Variants in NBEA observed in about 807,000 individuals in gnomAD.
NBEA encodes lysosomal-trafficking regulator 2.
Under a neutral mutation model 343.4 loss-of-function variants are expected in NBEA, and 44 were observed. The ratio of observed to expected loss-of-function variants is 0.13; its 90% CI spans 0.10 to 0.16. NBEA has a LOEUF of 0.16. Ranked by LOEUF, NBEA falls within the 10% of genes least tolerant of loss-of-function variation. The probability of loss-of-function intolerance (pLI) is 1.00; values close to 1 mark genes in which losing one functional copy is unlikely to be tolerated. For missense variants in NBEA, 2,555 were observed against 3,631.3 expected, an observed-to-expected ratio of 0.70 and a Z score of 7.62; for synonymous variants, 1,175 against 1,238.7, an observed-to-expected ratio of 0.95 and a Z score of 1.08.
At chr13:35,258,018 A>G (rs2032814922) in intron 34 of NBEA, among the ~76,000 whole-genome samples, 2 of 152,062 alleles carry the variant, frequency 1.3e-5, no homozygotes. Flanking sequence ...TTTATTTGTA[A>G]TGAACTTTAC....
intron 1 of NBEA, among the ~76,000 whole-genome samples, chr13:34,968,149 G>A (rs2059885194): frequency 6.6e-6 from 1 of 152,130 alleles, no homozygotes; most frequent in African/African-American, 2.4e-5. Flanking sequence ...GTATAAGGAA[G>A]GCACTGAGAG....
At chr13:35,437,443 A>C (rs1188722340) in intron 39 of NBEA, among the ~76,000 whole-genome samples, 1 of 152,146 alleles carries the variant, frequency 6.6e-6, no homozygotes, top group African/African-American at 2.4e-5. Flanking sequence ...CTTTATACTG[A>C]TGGAGTTTTT....
intron 1 of NBEA, among the ~76,000 whole-genome samples, chr13:35,032,156 A>C (rs952984065): frequency 2.0e-5 from 3 of 151,506 alleles, no homozygotes; most frequent in African/African-American, 4.8e-5. Context: ...ATTCCTCTGG[A>C]TATATACCCA....
rs754452157 is a variant in NBEA at position 35,069,892 on chromosome 13, A to G, written c.1240-16A>G. 10 of 1,532,390 alleles carry G rather than the reference A, an allele frequency of 6.5e-6. No homozygotes were observed. Among genetic ancestry groups the G allele is most frequent in the Middle Eastern group, 2.4e-4 (1 of 4,130 alleles). The allele number at this position is 1,532,390 out of a possible 1,614,324, so 94.9% of individuals were successfully genotyped here. Reference sequence around the variant, plus strand: ...TGCTTTTAAAAAGAGTGTTTACCTTAGTTTTATTTTTTCAGAGTACCTTCA... The same window carrying G: ...TGCTTTTAAAAAGAGTGTTTACCTTGGTTTTATTTTTTCAGAGTACCTTCA... On this transcript the variant is annotated splice_polypyrimidine_tract_variant and intron_variant, in intron 8 of 58. Coordinates refer to ENST00000379939, the MANE Select transcript of NBEA (RefSeq NM_001385012.1).
intron 55 of NBEA, among the ~76,000 whole-genome samples, chr13:35,660,292 T>G (rs946275685): frequency 6.6e-6 from 1 of 152,230 alleles, no homozygotes; most frequent in Non-Finnish European, 1.5e-5. Context: ...AGTTTTAATG[T>G]TTATACCACA....
chr13:35,662,342 C>T (rs2085134726), intron 55 of NBEA, among the ~76,000 whole-genome samples: 1 of 152,202 alleles, frequency 6.6e-6, no homozygotes, highest in African/African-American at 2.4e-5. Flanking sequence ...CGGCGGTGGC[C>T]CTCAGAGGGG....
intron 34 of NBEA, among the ~76,000 whole-genome samples, chr13:35,239,153 G>T (rs2075369890): frequency 6.6e-6 from 1 of 152,082 alleles, no homozygotes; most frequent in African/African-American, 2.4e-5. Flanking sequence ...CATAAAAAAT[G>T]GATGGAAGAA....
chr13:35,023,696 T>C (rs1388722056), intron 1 of NBEA, among the ~76,000 whole-genome samples: 1 of 152,106 alleles, frequency 6.6e-6, no homozygotes, highest in Non-Finnish European at 1.5e-5. Context: ...AAATATAGAA[T>C]AATGCAGTGG....
At chr13:34,969,202 G>C (rs1322515105) in intron 1 of NBEA, among the ~76,000 whole-genome samples, 1 of 151,836 alleles carries the variant, frequency 6.6e-6, no homozygotes, top group Non-Finnish European at 1.5e-5. Context: ...GACTTAATGG[G>C]CCTGTGACTA....
intron 38 of NBEA, among the ~76,000 whole-genome samples, chr13:35,402,214 T>C (rs1010554593): frequency 3.3e-5 from 5 of 151,988 alleles, no homozygotes; most frequent in Admixed American, 1.3e-4. Flanking sequence ...GTTTAAATTA[T>C]ATAAATACAT....
At chr13:35,475,577 G>T in intron 41 of NBEA, 1 of 1,613,504 alleles carries the variant, frequency 6.2e-7, no homozygotes, top group Non-Finnish European at 8.5e-7. Context: ...TGGGGAAGTG[G>T]CCAGTGGGCA....
rs372677810 is a variant in NBEA at position 35,259,387 on chromosome 13, A to G, written c.5776+26768A>G. ...ACAGGTATCATTTTCAGTTATTTGC[A>G]TAATTTCTGCCTAACTAGCAGTGAG... On this transcript the variant is annotated intron_variant, in intron 34 of 58. Coordinates refer to ENST00000379939, the MANE Select transcript of NBEA (RefSeq NM_001385012.1). 3.3e-5 allele frequency among the ~76,000 whole-genome samples: 5 copies of G among 152,216 alleles called. No homozygotes were observed. The East Asian group carries it at 9.7e-4, about 29-fold the overall frequency.
intron 38 of NBEA, among the ~76,000 whole-genome samples, chr13:35,388,653 G>A (rs2042360940): frequency 6.6e-6 from 1 of 152,124 alleles, no homozygotes; most frequent in African/African-American, 2.4e-5. Flanking sequence ...TAAGACTGCT[G>A]TGAAGGGTTT....
At chr13:35,629,032 A>G (rs901248822) in intron 49 of NBEA, among the ~76,000 whole-genome samples, 2 of 152,228 alleles carry the variant, frequency 1.3e-5, no homozygotes, top group Non-Finnish European at 2.9e-5. Context: ...TGTGTTTTCA[A>G]TCTGAAATGT....
chr13:35,048,011 G>C (rs1379131667), intron 4 of NBEA, among the ~76,000 whole-genome samples: 1 of 151,432 alleles, frequency 6.6e-6, no homozygotes, highest in Non-Finnish European at 1.5e-5. Context: ...ATCCTTTTTG[G>C]TTATAAATAT....
intron 38 of NBEA, among the ~76,000 whole-genome samples, chr13:35,416,612 T>G (rs2043925142): frequency 6.6e-6 from 1 of 152,200 alleles, no homozygotes. Context: ...GATAAGCTTT[T>G]TGATGTGCTG....
intron 1 of NBEA, among the ~76,000 whole-genome samples, chr13:34,965,204 G>C (rs1362008504): frequency 6.6e-6 from 1 of 151,926 alleles, no homozygotes; most frequent in East Asian, 1.9e-4. Context: ...CCAACTCTGA[G>C]GACAGAACAG....
At chr13:35,107,910 G>C (rs1329322698) in intron 11 of NBEA, among the ~76,000 whole-genome samples, 1 of 151,914 alleles carries the variant, frequency 6.6e-6, no homozygotes, top group Non-Finnish European at 1.5e-5. Context: ...GGTTAGTTTT[G>C]GTCCTCACCA....
intron 10 of NBEA, chr13:35,071,058 T>C: frequency 2.6e-6 from 1 of 381,522 alleles, no homozygotes; most frequent in Non-Finnish European, 4.5e-6. Flanking sequence ...CATAAAGGAA[T>C]GCCTTCCTTG....
Sources: gnomAD v4.1 joint callset for allele counts (sites outside exome capture counted in the v4.1 genomes callset) on GRCh38, gnomAD v4.1.1 for gene constraint, MANE v1.5 for transcripts, NCBI Gene and HGNC (gene_info 2026-07-23, HGNC 2026-07-21) for gene names.